SLC22A9: variants seen among roughly 807,000 people sequenced by gnomAD.
SLC22A9 encodes the protein organic anion transporter 7.
In SLC22A9, 64 loss-of-function variants were observed where a neutral mutation model predicts 50.1. The observed-to-expected ratio is 1.28, with a 90% confidence interval of 1.04 to 1.57. The LOEUF (loss-of-function observed/expected upper bound fraction) is 1.57, where lower values mean the gene tolerates loss of function less well. Among genes scored for constraint, SLC22A9 ranks in the 40% most tolerant of loss-of-function variants. The pLI is 0.00. For missense variants in SLC22A9, 757 were observed against 676.1 expected, an observed-to-expected ratio of 1.12 and a Z score of -1.33; for synonymous variants, 261 against 242.5, an observed-to-expected ratio of 1.08 and a Z score of -0.71.
chr11:63,393,971 C>G (rs1230363616), intron 6 of SLC22A9, among the ~76,000 whole-genome samples: 2 of 152,114 alleles, frequency 1.3e-5, no homozygotes, highest in Non-Finnish European at 2.9e-5. Context: ...TCCCATATTT[C>G]TTGGGGATTT....
At chr11:63,392,853 C>T (rs2014788523) in intron 6 of SLC22A9, among the ~76,000 whole-genome samples, 1 of 152,090 alleles carries the variant, frequency 6.6e-6, no homozygotes, top group Admixed American at 6.6e-5. Flanking sequence ...TTCTCTAAAA[C>T]ACTAAGATGA....
intron 2 of SLC22A9, 36 bp downstream of exon 2, chr11:63,371,274 A>T: frequency 7.0e-7 from 1 of 1,438,830 alleles, no homozygotes. Context: ...CTTTAAGGGC[A>T]TTTTTTATCA....
At chr11:63,403,266 T>C (rs1032835148) in intron 6 of SLC22A9, among the ~76,000 whole-genome samples, 3 of 152,062 alleles carry the variant, frequency 2.0e-5, no homozygotes, top group African/African-American at 4.8e-5. Flanking sequence ...CATAAGACGA[T>C]TGGGGGATGG....
intron 6 of SLC22A9, among the ~76,000 whole-genome samples, chr11:63,396,705 T>C (rs918909074): frequency 1.3e-5 from 2 of 152,216 alleles, no homozygotes; most frequent in African/African-American, 4.8e-5. Flanking sequence ...AATTTCTGCT[T>C]CATTATTTTT....
intron 4 of SLC22A9, 43 bp downstream of exon 4, chr11:63,374,105 T>G (rs1227856558): frequency 6.5e-7 from 1 of 1,540,930 alleles, no homozygotes; most frequent in Non-Finnish European, 8.8e-7. Context: ...GATATTGGAA[T>G]GAGAATGTAT....
chr11:63,409,481 A>G (rs921698196), intron 9 of SLC22A9, among the ~76,000 whole-genome samples: 2 of 152,118 alleles, frequency 1.3e-5, no homozygotes, highest in African/African-American at 4.8e-5. Context: ...ACATTTTAAG[A>G]AAGTTTACAA....
intron 6 of SLC22A9, among the ~76,000 whole-genome samples, chr11:63,384,583 A>C (rs2119918807): frequency 6.6e-6 from 1 of 152,266 alleles, no homozygotes; most frequent in South Asian, 2.1e-4. Flanking sequence ...GCTGTTATGA[A>C]TAGTGCTGCA....
chr11:63,386,448 T>TTTTTTTTG, intron 6 of SLC22A9, among the ~76,000 whole-genome samples: 1 of 138,460 alleles, frequency 7.2e-6, no homozygotes, highest in Non-Finnish European at 1.6e-5. Flanking sequence ...TTTTTTTTTT[T>TTTTTTTTG]TTTTTTTTTT....
Position 63,404,978 on chromosome 11 carries a change from T to C in SLC22A9, c.1074-1519T>C, listed in dbSNP as rs114371781. Among the ~76,000 whole-genome samples the C allele has an allele frequency of 2.8e-3, 433 of 152,136 alleles. 3 individuals carry two copies. Among genetic ancestry groups the C allele is most frequent in the African/African-American group, 8.9e-3 (369 of 41,518 alleles). On this transcript the variant is annotated intron_variant, in intron 6 of 9. Transcript: ENST00000279178. ...TCCTGGGAAAGGAGAGAATAATGAA[T>C]TGGGAGGGCAGTGTTCTGTCCCCAT...
rs1160837480 is a variant in SLC22A9, at chr11:63,373,751, T to C, written c.614T>C (p.Leu205Ser). 1 of 1,613,248 alleles carries C rather than the reference T, an allele frequency of 6.2e-7. No individual in the cohort carries two copies. The highest frequency in any genetic ancestry group is 1.7e-5 in the Admixed American group (1 of 59,916). ...CTCATTTACTGCTCACTACGCTTCT[T>C]GTCTGGGATTGCTGCAATGAGCCTC... ...TFLIYCSLRF[L>S]SGIAAMSLIT... The change falls in exon 3 of 10, where the codon TTG (leucine) becomes TCG (serine). Residue 205 changes from leucine to serine, a missense_variant. By Grantham distance (145) the Leu-to-Ser change is moderately radical. Coordinates refer to ENST00000279178, the MANE Select transcript of SLC22A9 (RefSeq NM_080866.3).
intron 6 of SLC22A9, among the ~76,000 whole-genome samples, chr11:63,390,806 G>A (rs941278209): frequency 2.6e-5 from 4 of 151,946 alleles, no homozygotes; most frequent in African/African-American, 2.4e-5. Context: ...TCACAATATT[G>A]ATTCTTCCTA....
intron 6 of SLC22A9, among the ~76,000 whole-genome samples, chr11:63,393,061 T>G (rs1390139184): frequency 6.6e-6 from 1 of 152,166 alleles, no homozygotes; most frequent in African/African-American, 2.4e-5. Flanking sequence ...GCATTGAATT[T>G]GTAGATTGCT....
At chr11:63,396,972 G>T (rs1291240733) in intron 6 of SLC22A9, among the ~76,000 whole-genome samples, 3 of 152,120 alleles carry the variant, frequency 2.0e-5, no homozygotes, top group African/African-American at 4.8e-5. Flanking sequence ...ATTTATTGTA[G>T]TCTTCACAGT....
At chr11:63,403,284 C>T (rs2014980601) in intron 6 of SLC22A9, among the ~76,000 whole-genome samples, 1 of 152,046 alleles carries the variant, frequency 6.6e-6, no homozygotes, top group Admixed American at 6.6e-5. Context: ...TGGCAGATTT[C>T]TGCAGAAACC....
chr11:63,388,743 A>G (rs917127845), intron 6 of SLC22A9, among the ~76,000 whole-genome samples: 13 of 151,994 alleles, frequency 8.6e-5, no homozygotes, highest in African/African-American at 2.9e-4. Context: ...ATAATATGAT[A>G]AAAATGGCAT....
intron 6 of SLC22A9, among the ~76,000 whole-genome samples, chr11:63,391,345 A>G (rs890090484): frequency 4.6e-5 from 7 of 152,200 alleles, no homozygotes; most frequent in Admixed American, 6.6e-5. Flanking sequence ...TTTGTTCTAC[A>G]ATGCAGATTA....
intron 6 of SLC22A9, 95 bp downstream of exon 6, chr11:63,382,372 T>A: frequency 1.2e-6 from 1 of 865,768 alleles, no homozygotes; most frequent in Non-Finnish European, 1.8e-6. Flanking sequence ...GGAAACAGAT[T>A]TGCACATAAA....
intron 5 of SLC22A9, 82 bp downstream of exon 5, chr11:63,375,850 G>T: frequency 6.6e-7 from 1 of 1,521,784 alleles, no homozygotes; most frequent in Non-Finnish European, 8.8e-7. Context: ...TGTCCATAAG[G>T]TAAAAAAAGG....
In SLC22A9 at chr11:63,369,810, G is replaced by A. The variant is rs2014316210; in HGVS notation, c.-247G>A. 2 of 463,518 alleles carry A rather than the reference G, an allele frequency of 4.3e-6. No individual in the cohort carries two copies. Among genetic ancestry groups the A allele is most frequent in the Non-Finnish European group, 3.8e-6 (1 of 263,804 alleles). The allele number at this position is 463,518 out of a possible 1,614,324, so 28.7% of individuals were successfully genotyped here. A position where few individuals can be genotyped will look rare whatever the true frequency, so the allele number is the denominator to read the frequency against. On this transcript the variant is annotated 5_prime_UTR_variant, in exon 1 of 10. Coordinates refer to ENST00000279178, the MANE Select transcript of SLC22A9 (RefSeq NM_080866.3). ...AAACACATTTCATTGTAAACGACTG[G>A]GAGTATCTGAGCAAATTATTTCTTA...
Sources: allele counts gnomAD v4.1 joint callset (sites outside exome capture counted in the v4.1 genomes callset), GRCh38; gene constraint gnomAD v4.1.1; transcripts MANE v1.5; gene names NCBI Gene and HGNC (gene_info 2026-07-23, HGNC 2026-07-21).